TNFRSF14: variants seen among roughly 807,000 people sequenced by gnomAD.
The protein encoded by TNFRSF14 is tumor necrosis factor receptor superfamily member 14.
In TNFRSF14, 18 loss-of-function variants were observed where a neutral mutation model predicts 34.1. The ratio of observed to expected loss-of-function variants is 0.53; its 90% CI spans 0.36 to 0.78. The LOEUF (loss-of-function observed/expected upper bound fraction) is 0.78. Ranked by LOEUF, TNFRSF14 falls within the 30% of genes least tolerant of loss-of-function variation. The probability of loss-of-function intolerance (pLI) is 0.00; values close to 1 mark genes in which losing one functional copy is unlikely to be tolerated. For missense variants in TNFRSF14, 352 were observed against 379.5 expected, an observed-to-expected ratio of 0.93 and a Z score of 0.60; for synonymous variants, 157 against 153.2, an observed-to-expected ratio of 1.02 and a Z score of -0.18.
In TNFRSF14 at chr1:2,561,840, G is replaced by T; in HGVS notation, c.694+25G>T. The stretch of plus-strand genomic sequence containing the variant: ...GGTGAGCACACGGCGGCCCCATCAG[G>T]GCTCATGTCCCCAGCCGTCACCTCT... On this transcript the variant is annotated intron_variant, in intron 6 of 7. Transcript: ENST00000355716. This position sits in a 1 kb window ranked among gnomAD's most constrained non-coding sequence, Gnocchi z 6.0. 1 of 1,608,508 alleles carries T rather than the reference G, an allele frequency of 6.2e-7. No homozygotes were observed. Among genetic ancestry groups the T allele is most frequent in the East Asian group, 2.2e-5 (1 of 44,862 alleles).
At chr1:2,560,132 G>C (rs1177015269) in intron 4 of TNFRSF14, among the ~76,000 whole-genome samples, 154 bp downstream of exon 4, 1 of 152,198 alleles carries the variant, frequency 6.6e-6, no homozygotes, top group African/African-American at 2.4e-5. Flanking sequence ...CTTCAGCCCT[G>C]TCCTGGAAGC....
intron 6 of TNFRSF14, chr1:2,562,467 G>T: frequency 3.1e-6 from 1 of 321,002 alleles, no homozygotes; most frequent in Non-Finnish European, 5.8e-6. Flanking sequence ...AGGTCTCGGG[G>T]CCTCAGGCTC....
chr1:2,561,132 C>A lies in TNFRSF14; in HGVS notation c.551+418C>A. On this transcript the variant is annotated intron_variant, in intron 5 of 7. Transcript: ENST00000355716. This position sits in a 1 kb window ranked among gnomAD's most constrained non-coding sequence, Gnocchi z 6.0. ...GACACCTTCAAATGCTGACCCTGGGCCCCTAACTGACCTGAGACTTCAGAG... is the reference window on the plus strand; with the variant it reads ...GACACCTTCAAATGCTGACCCTGGGACCCTAACTGACCTGAGACTTCAGAG... The A allele has an allele frequency of 3.0e-6, 1 of 332,326 alleles. No individual in the cohort carries two copies. Among genetic ancestry groups the A allele is most frequent in the Non-Finnish European group, 5.5e-6 (1 of 181,124 alleles). 20.6% of individuals were successfully genotyped at this position (332,326 alleles called of 1,614,324 possible).
chr1:2,563,071 C>T, intron 7 of TNFRSF14, 77 bp from the exon 8 acceptor site: 1 of 1,599,864 alleles, frequency 6.3e-7, no homozygotes, highest in Non-Finnish European at 8.5e-7. Context: ...AAACTGAAAG[C>T]AGTAAAATGA....
At position 2,561,737 on chromosome 1, in the gene TNFRSF14, C is replaced by T; in HGVS notation, c.616C>T (p.Leu206Phe). The change falls in exon 6 of 8, where the codon CTC (leucine) becomes TTC (phenylalanine). Residue 206 changes from leucine to phenylalanine, a missense_variant. Leu to Phe is a conservative substitution (Grantham distance 22). Coordinates refer to ENST00000355716, the MANE Select transcript of TNFRSF14 (RefSeq NM_003820.4). This position sits in a 1 kb window ranked among gnomAD's most constrained non-coding sequence, Gnocchi z 6.0. ...TSSSHWVWWF[L>F]SGSLVIVIVC... ...CAGCTCCCACTGGGTATGGTGGTTT[C>T]TCTCAGGGAGCCTCGTCATCGTCAT... The T allele has an allele frequency of 1.9e-6, 3 of 1,613,670 alleles. No homozygotes were observed. The highest frequency in any genetic ancestry group is 2.5e-6 in the Non-Finnish European group (3 of 1,179,996).
At chr1:2,560,481 C>G in intron 4 of TNFRSF14, 143 bp from the exon 5 acceptor site, 1 of 624,672 alleles carries the variant, frequency 1.6e-6, no homozygotes, top group Non-Finnish European at 2.8e-6. Context: ...AGACTCTGGA[C>G]AGGGAGCCTG....
intron 6 of TNFRSF14, chr1:2,562,032 C>T (rs562958627): frequency 7.3e-5 from 44 of 604,682 alleles, no homozygotes; most frequent in East Asian, 2.2e-4. Flanking sequence ...GACCCCTGAC[C>T]GTGGAGCCCT....
chr1:2,559,949 C>G lies in TNFRSF14; in HGVS notation c.431C>G (p.Ser144Cys), dbSNP rs1286812370. The G allele has an allele frequency of 6.3e-7, 1 of 1,587,402 alleles. No individual in the cohort carries two copies. The highest frequency in any genetic ancestry group is 1.7e-5 in the Admixed American group (1 of 57,724). ...GCCGCGTGCCGCGCTTACGCCACCT[C>G]CAGCCCGGGCCAGAGGGTGCAGAAG... Reference protein sequence around the residue: ...HCAACRAYATSSPGQRVQKGG... With the variant: ...HCAACRAYATCSPGQRVQKGG... The change falls in exon 4 of 8, where the codon TCC (serine) becomes TGC (cysteine). Residue 144 changes from serine (S) to cysteine (C), a missense_variant. Coordinates refer to ENST00000355716, the MANE Select transcript of TNFRSF14 (RefSeq NM_003820.4).
intron 3 of TNFRSF14, chr1:2,559,011 T>C (rs911708489): frequency 8.0e-6 from 11 of 1,367,618 alleles, no homozygotes; most frequent in Admixed American, 4.4e-5. Context: ...AGCCTGTCCA[T>C]GCGGCCAACG....
At chr1:2,559,726 C>T (rs1426291246) in intron 3 of TNFRSF14, 97 bp from the exon 4 acceptor site, 1 of 1,538,334 alleles carries the variant, frequency 6.5e-7, no homozygotes, top group Non-Finnish European at 8.7e-7. Flanking sequence ...TGGCAGGGCG[C>T]CCTGGCAGCA....
At chr1:2,559,375 C>T in intron 3 of TNFRSF14, 7 of 1,377,014 alleles carry the variant, frequency 5.1e-6, no homozygotes, top group Non-Finnish European at 6.7e-6. Context: ...CCCACCTCCA[C>T]CAGTACCTGA....
rs2100865087 is a variant in TNFRSF14 at position 2,563,147 on chromosome 1, G to A, written c.727-1G>A. 6.2e-7 allele frequency: 1 copy of A among 1,613,414 alleles called. No homozygotes were observed. Among genetic ancestry groups the A allele is most frequent in the South Asian group, 1.1e-5 (1 of 91,086 alleles). On this transcript the variant is annotated splice_acceptor_variant, in intron 7 of 7. Coordinates refer to ENST00000355716, the MANE Select transcript of TNFRSF14 (RefSeq NM_003820.4). LOFTEE classifies it high-confidence loss of function. ...GGTCTCCACGATTCGTGTGCTCACA[G>A]CGGAAAAGACAGGAGGCAGAAGGTG...
chr1:2,562,487 C>T, intron 6 of TNFRSF14: 1 of 376,204 alleles, frequency 2.7e-6, no homozygotes, highest in Non-Finnish European at 4.9e-6. Context: ...CTAGGGTAGG[C>T]CGGGCAGCAG....
Position 2,559,959 on chromosome 1 carries a change from C to T in TNFRSF14, c.441C>T (p.Gly147=). 2 of 1,581,360 alleles carry T rather than the reference C, an allele frequency of 1.3e-6. No homozygotes were observed. The highest frequency in any genetic ancestry group is 1.7e-6 in the Non-Finnish European group (2 of 1,162,158). ...GCGCTTACGCCACCTCCAGCCCGGG[C>T]CAGAGGGTGCAGAAGGGAGGTAAGC... ...ACRAYATSSP[G]QRVQKGGTES... is the part of the protein sequence containing the mutation. Residue 147 remains glycine (G), a synonymous_variant, in exon 4 of 8, where the codon GGC becomes GGT. Coordinates refer to ENST00000355716, the MANE Select transcript of TNFRSF14 (RefSeq NM_003820.4).
chr1:2,562,614 G>A (rs1217192203), intron 6 of TNFRSF14: 2 of 606,292 alleles, frequency 3.3e-6, no homozygotes, highest in South Asian at 1.9e-5. Context: ...GCACTTGGGG[G>A]CCTCAGCTGG....
At chr1:2,563,028 GCCACGGTAGCTCAGGAAAGAAC>G in intron 7 of TNFRSF14, 98 bp from the exon 8 acceptor site, 1 of 1,568,610 alleles carries the variant, frequency 6.4e-7, no homozygotes, top group Non-Finnish European at 8.7e-7. Flanking sequence ...TTCAAGTACA[GCCACGGTAGCTCAGGAAAGAAC>G]CCACCCCCTC....
In TNFRSF14 at chr1:2,562,997, T is replaced by G. The variant is rs865923624; in HGVS notation, c.726+101T>G. ...TGGTGTACATGGTGGGGGCTCCCAG[T>G]TCTCTGAGGGTCCTGAGTCTTTCAA... On this transcript the variant is annotated intron_variant, in intron 7 of 7. Coordinates refer to ENST00000355716, the MANE Select transcript of TNFRSF14 (RefSeq NM_003820.4). 109 of 1,546,766 alleles carry G rather than the reference T, an allele frequency of 7.0e-5. No individual in the cohort carries two copies. The Middle Eastern group carries it at 1.3e-3, about 19-fold the overall frequency.
At chr1:2,559,362 T>C in intron 3 of TNFRSF14, 1 of 1,375,892 alleles carries the variant, frequency 7.3e-7, no homozygotes, top group South Asian at 1.2e-5. Flanking sequence ...GCCCAGCTTG[T>C]ACCCCACCTC....
chr1:2,554,471 C>T (rs751805625), upstream of TNFRSF14, among the ~76,000 whole-genome samples: 14 of 152,066 alleles, frequency 9.2e-5, no homozygotes, highest in South Asian at 2.1e-4. The surrounding 1 kb of genome is among the most constrained non-coding windows in gnomAD (Gnocchi z 4.2). Context: ...AGGGCCGAGG[C>T]GGGCGGATAC....
Sources: gnomAD v4.1 joint callset for allele counts (sites outside exome capture counted in the v4.1 genomes callset) on GRCh38, gnomAD v4.1.1 for gene constraint, Gnocchi (gnomAD v3.1) non-coding constraint, MANE v1.5 for transcripts, NCBI Gene and HGNC (gene_info 2026-07-23, HGNC 2026-07-21) for gene names.